LRRTM4: variants seen among roughly 807,000 people sequenced by gnomAD.
The protein encoded by LRRTM4 is leucine rich repeat transmembrane neuronal 4.
LRRTM4 carries 25 observed loss-of-function variants against 47.6 expected under a neutral mutation model. The observed-to-expected ratio is 0.53, with a 90% confidence interval of 0.38 to 0.73. The LOEUF (loss-of-function observed/expected upper bound fraction) is 0.73, where lower values mean the gene tolerates loss of function less well. Among genes scored for constraint, LRRTM4 ranks in the 30% least tolerant of loss-of-function variants. LRRTM4 has a pLI of 0.00. For synonymous variants in LRRTM4, 311 were observed against 269.5 expected (o/e 1.15, Z -1.51); for missense variants, 638 against 713.4 (o/e 0.89, Z 1.20).
chr2:77,155,561 A>T (rs1258434129), intron 3 of LRRTM4, among the ~76,000 whole-genome samples: 2 of 150,574 alleles, frequency 1.3e-5, no homozygotes, highest in Non-Finnish European at 1.5e-5. Flanking sequence ...GAATAATATT[A>T]TATATATATA....
At chr2:76,865,775 G>C (rs1217992660) in intron 3 of LRRTM4, among the ~76,000 whole-genome samples, 1 of 152,096 alleles carries the variant, frequency 6.6e-6, no homozygotes, top group African/African-American at 2.4e-5. Flanking sequence ...ATTTAAATAA[G>C]AGAGAATTGT....
intron 3 of LRRTM4, among the ~76,000 whole-genome samples, chr2:77,223,529 A>G (rs1279273967): frequency 2.0e-5 from 3 of 152,210 alleles, no homozygotes; most frequent in Non-Finnish European, 2.9e-5. Context: ...TACAAAATCA[A>G]TGTGCAAAAA....
At chr2:77,068,991 C>T (rs1573526051) in intron 3 of LRRTM4, among the ~76,000 whole-genome samples, 1 of 152,204 alleles carries the variant, frequency 6.6e-6, no homozygotes, top group African/African-American at 2.4e-5. Context: ...TAGCCAGACC[C>T]ACCCCTTTAT....
In LRRTM4 at chr2:77,517,436, C is replaced by T. The variant is rs1679252704; in HGVS notation, c.1551+882G>A. Reference sequence around the variant, plus strand: ...ATTTCTTTTGGGGATGACAGCAATACTGACAAACAGTCCCTGTTATGACTG... The same window carrying T: ...ATTTCTTTTGGGGATGACAGCAATATTGACAAACAGTCCCTGTTATGACTG... On this transcript the variant is annotated intron_variant, in intron 3 of 3. Transcript: ENST00000409884. 3.0e-6 allele frequency: 3 copies of T among 984,928 alleles called. No individual in the cohort carries two copies. The African/African-American group carries it at 5.2e-5, about 17-fold the overall frequency. 61.0% of individuals were successfully genotyped at this position (984,928 alleles called of 1,614,324 possible).
At chr2:77,255,887 A>G (rs1482266969) in intron 3 of LRRTM4, among the ~76,000 whole-genome samples, 1 of 152,116 alleles carries the variant, frequency 6.6e-6, no homozygotes, top group Admixed American at 6.6e-5. Context: ...AAATAAACCC[A>G]AAGTATTAAG....
At chr2:77,357,263 A>G (rs2104307226) in intron 3 of LRRTM4, among the ~76,000 whole-genome samples, 1 of 152,308 alleles carries the variant, frequency 6.6e-6, no homozygotes, top group Non-Finnish European at 1.5e-5. Context: ...GAAACCAAAA[A>G]TAAGAATAAC....
At chr2:77,281,936 A>G (rs1051129914) in intron 3 of LRRTM4, among the ~76,000 whole-genome samples, 2 of 151,920 alleles carry the variant, frequency 1.3e-5, no homozygotes, top group Non-Finnish European at 2.9e-5. Context: ...TTCACATTGT[A>G]GATTTTTAAA....
intron 3 of LRRTM4, among the ~76,000 whole-genome samples, chr2:77,129,565 A>C (rs187939537): frequency 1.3e-5 from 2 of 152,176 alleles, no homozygotes; most frequent in Non-Finnish European, 1.5e-5. Context: ...AGCATCACAT[A>C]TTGTTTATAT....
intron 3 of LRRTM4, among the ~76,000 whole-genome samples, chr2:77,144,322 C>T (rs1357706562): frequency 1.3e-5 from 2 of 151,946 alleles, no homozygotes; most frequent in Admixed American, 6.6e-5. Flanking sequence ...ACACTCTTCA[C>T]GACCAAGGCC....
intron 3 of LRRTM4, among the ~76,000 whole-genome samples, chr2:77,273,801 A>G (rs1197782996): frequency 1.3e-5 from 2 of 152,138 alleles, no homozygotes; most frequent in East Asian, 3.9e-4. Flanking sequence ...AGATTCATAA[A>G]CTGTTAATCA....
chr2:76,795,351 T>G (rs186391172), intron 3 of LRRTM4, among the ~76,000 whole-genome samples: 314 of 152,260 alleles, frequency 2.1e-3, no homozygotes, highest in African/African-American at 7.4e-3. Flanking sequence ...GAGTTCTATA[T>G]CCATGAATTT....
intron 3 of LRRTM4, among the ~76,000 whole-genome samples, chr2:77,428,808 GT>G (rs1675231278): frequency 6.6e-6 from 1 of 152,136 alleles, no homozygotes; most frequent in African/African-American, 2.4e-5. Context: ...AGCAAATAAA[GT>G]TTAATTGCCT....
intron 3 of LRRTM4, among the ~76,000 whole-genome samples, chr2:77,090,947 C>T (rs562306451): frequency 3.1e-4 from 47 of 152,126 alleles, no homozygotes; most frequent in Non-Finnish European, 4.7e-4. Flanking sequence ...TTAATCAATA[C>T]GGAGGCTACC....
At chr2:77,251,779 T>A (rs1296119283) in intron 3 of LRRTM4, among the ~76,000 whole-genome samples, 1 of 152,136 alleles carries the variant, frequency 6.6e-6, no homozygotes, top group African/African-American at 2.4e-5. Context: ...AATGGCTGCA[T>A]GGGGTTCTAG....
intron 3 of LRRTM4, among the ~76,000 whole-genome samples, chr2:76,852,234 A>G (rs981943787): frequency 3.3e-5 from 5 of 152,116 alleles, no homozygotes; most frequent in Non-Finnish European, 7.4e-5. Flanking sequence ...CTTCTGTTCT[A>G]TGGAATCAAG....
intron 3 of LRRTM4, among the ~76,000 whole-genome samples, chr2:77,060,102 A>G (rs1374904278): frequency 6.6e-6 from 1 of 152,162 alleles, no homozygotes; most frequent in Non-Finnish European, 1.5e-5. Flanking sequence ...TTTGCAAACT[A>G]TTTCATGGTA....
At chr2:77,237,073 AT>A (rs993225658) in intron 3 of LRRTM4, among the ~76,000 whole-genome samples, 1 of 147,808 alleles carries the variant, frequency 6.8e-6, no homozygotes, top group African/African-American at 2.5e-5. Context: ...CTCCTCCTTG[AT>A]TTTTTTTTCT....
chr2:77,181,369 C>T (rs548688813), intron 3 of LRRTM4, among the ~76,000 whole-genome samples: 11 of 152,164 alleles, frequency 7.2e-5, no homozygotes, highest in Admixed American at 3.9e-4. Flanking sequence ...AGAAGTGGTC[C>T]AGGTACCAGA....
chr2:76,832,608 TAAAGAA>T (rs893074758), intron 3 of LRRTM4, among the ~76,000 whole-genome samples: 13 of 152,022 alleles, frequency 8.6e-5, no homozygotes, highest in African/African-American at 1.2e-4. Context: ...TCCAGTTTAT[TAAAGAA>T]AGATTGTTAA....
Sources: gnomAD v4.1 joint callset for allele counts (sites outside exome capture counted in the v4.1 genomes callset) on GRCh38, gnomAD v4.1.1 for gene constraint, MANE v1.5 for transcripts, NCBI Gene and HGNC (gene_info 2026-07-23, HGNC 2026-07-21) for gene names.